Variants in MAGI2 observed in about 807,000 individuals in gnomAD.
MAGI2 encodes the protein membrane associated guanylate kinase, WW and PDZ domain containing 2, also known as membrane-associated guanylate kinase, WW and PDZ domain-containing protein 2.
Under a neutral mutation model 133.3 loss-of-function variants are expected in MAGI2, and 35 were observed. The ratio of observed to expected loss-of-function variants is 0.26; its 90% CI spans 0.20 to 0.35. MAGI2 has a LOEUF of 0.35. Ranked by LOEUF, MAGI2 falls within the 10% of genes least tolerant of loss-of-function variation. MAGI2 has a pLI of 1.00. For synonymous variants in MAGI2, 729 were observed against 710.6 expected (o/e 1.03, Z -0.41); for missense variants, 1,636 against 1,863.4 (o/e 0.88, Z 2.25).
At chr7:79,389,295 G>A (rs1004346887) in intron 1 of MAGI2, among the ~76,000 whole-genome samples, 13 of 151,860 alleles carry the variant, frequency 8.6e-5, no homozygotes, top group African/African-American at 2.7e-4. Context: ...AAGAAATTAC[G>A]TACGATGATA....
At chr7:78,119,282 G>A (rs1820182127) in intron 20 of MAGI2, among the ~76,000 whole-genome samples, 1 of 152,080 alleles carries the variant, frequency 6.6e-6, no homozygotes, top group Non-Finnish European at 1.5e-5. Context: ...GACACCGGCC[G>A]GGGGCAGTGG....
At chr7:78,735,956 C>T (rs1267508782) in intron 2 of MAGI2, among the ~76,000 whole-genome samples, 2 of 152,156 alleles carry the variant, frequency 1.3e-5, no homozygotes, top group Non-Finnish European at 2.9e-5. Flanking sequence ...TCCTTATAAA[C>T]ATAACAATCA....
intron 6 of MAGI2, among the ~76,000 whole-genome samples, chr7:78,396,588 C>T (rs947967110): frequency 6.6e-6 from 1 of 152,138 alleles, no homozygotes; most frequent in Non-Finnish European, 1.5e-5. Context: ...TTTTCCAACA[C>T]CTTGCTTTAT....
chr7:78,253,337 A>C (rs921708615), intron 10 of MAGI2: 1 of 152,222 alleles, frequency 6.6e-6, no homozygotes, highest in East Asian at 1.9e-4. Context: ...TTATGAAAAA[A>C]TTATAGAAAG....
At chr7:79,129,150 A>G (rs2129545214) in intron 1 of MAGI2, among the ~76,000 whole-genome samples, 1 of 152,320 alleles carries the variant, frequency 6.6e-6, no homozygotes, top group South Asian at 2.1e-4. Context: ...TACAGGCGTG[A>G]GCCACCATGA....
At chr7:79,407,332 A>C (rs1351422081) in intron 1 of MAGI2, among the ~76,000 whole-genome samples, 2 of 152,128 alleles carry the variant, frequency 1.3e-5, no homozygotes, top group Admixed American at 1.3e-4. Context: ...CAGCCACGTG[A>C]TTCTTACAAA....
At chr7:78,700,015 C>A (rs577615505) in intron 2 of MAGI2, among the ~76,000 whole-genome samples, 7 of 152,020 alleles carry the variant, frequency 4.6e-5, no homozygotes, top group Non-Finnish European at 1.0e-4. Context: ...AATTATGAAG[C>A]AAATCACTTG....
At chr7:78,157,705 A>T (rs1473213993) in intron 16 of MAGI2, among the ~76,000 whole-genome samples, 1 of 152,222 alleles carries the variant, frequency 6.6e-6, no homozygotes, top group East Asian at 1.9e-4. Flanking sequence ...TGGCTGCAAA[A>T]TCTCTCTGTG....
intron 2 of MAGI2, among the ~76,000 whole-genome samples, chr7:78,672,822 T>C (rs932919909): frequency 2.6e-5 from 4 of 152,168 alleles, no homozygotes; most frequent in Non-Finnish European, 5.9e-5. Context: ...TGCATGCCAA[T>C]GTTTGCACAC....
chr7:78,764,152 G>T (rs1167828497), intron 2 of MAGI2, among the ~76,000 whole-genome samples: 1 of 152,156 alleles, frequency 6.6e-6, no homozygotes, highest in Non-Finnish European at 1.5e-5. Flanking sequence ...TAATGAAATG[G>T]AAATTCTACT....
intron 10 of MAGI2, among the ~76,000 whole-genome samples, chr7:78,203,483 G>A (rs1366110422): frequency 6.6e-6 from 1 of 152,136 alleles, no homozygotes; most frequent in African/African-American, 2.4e-5. Flanking sequence ...ATGGGTACTT[G>A]GGCTCCTCAT....
At chr7:78,397,792 G>A (rs1796496688) in intron 6 of MAGI2, among the ~76,000 whole-genome samples, 1 of 152,066 alleles carries the variant, frequency 6.6e-6, no homozygotes, top group Non-Finnish European at 1.5e-5. Context: ...CATATCTATT[G>A]CTATAGCAGG....
chr7:78,660,528 C>A (rs1035753889), intron 2 of MAGI2, among the ~76,000 whole-genome samples: 3 of 151,906 alleles, frequency 2.0e-5, no homozygotes, highest in African/African-American at 7.3e-5. Flanking sequence ...AAATAATGCT[C>A]ACAGAAGATT....
chr7:78,875,596 A>C (rs1037079299), intron 2 of MAGI2, among the ~76,000 whole-genome samples: 2 of 152,210 alleles, frequency 1.3e-5, no homozygotes, highest in African/African-American at 4.8e-5. Context: ...CAAACAAAGA[A>C]ACAAATAAAA....
chr7:79,389,452 T>A (rs1301736393), intron 1 of MAGI2, among the ~76,000 whole-genome samples: 3 of 152,158 alleles, frequency 2.0e-5, no homozygotes, highest in African/African-American at 7.2e-5. Flanking sequence ...TGCATCATAC[T>A]GGCATTTATG....
intron 6 of MAGI2, among the ~76,000 whole-genome samples, chr7:78,379,542 C>T (rs1009589583): frequency 6.6e-6 from 1 of 151,952 alleles, no homozygotes; most frequent in Non-Finnish European, 1.5e-5. Flanking sequence ...ATATAAACCA[C>T]CTTCACAAAA....
intron 1 of MAGI2, among the ~76,000 whole-genome samples, chr7:79,433,149 C>T (rs191596561): frequency 6.6e-6 from 1 of 152,164 alleles, no homozygotes; most frequent in Non-Finnish European, 1.5e-5. Flanking sequence ...GAGACTATTC[C>T]GATACATGAA....
intron 2 of MAGI2, among the ~76,000 whole-genome samples, chr7:78,716,195 C>T (rs1165482469): frequency 1.3e-5 from 2 of 152,142 alleles, no homozygotes; most frequent in African/African-American, 4.8e-5. Flanking sequence ...AGTTCTTTTC[C>T]CACAGAGCCA....
chr7:78,766,543 G>T (rs1825044503), intron 2 of MAGI2, among the ~76,000 whole-genome samples: 1 of 152,080 alleles, frequency 6.6e-6, no homozygotes, highest in African/African-American at 2.4e-5. Context: ...TGGCTAACTG[G>T]CTGGCAATGA....
Sources: allele counts gnomAD v4.1 joint callset (sites outside exome capture counted in the v4.1 genomes callset), GRCh38; gene constraint gnomAD v4.1.1; transcripts MANE v1.5; gene names NCBI Gene and HGNC (gene_info 2026-07-23, HGNC 2026-07-21).